Variants in LPP observed in about 807,000 individuals in gnomAD.
LPP encodes the protein lipoma-preferred partner.
LPP carries 38 observed loss-of-function variants against 60.4 expected under a neutral mutation model. The observed-to-expected ratio is 0.63, with a 90% CI of 0.49 to 0.83. The LOEUF (loss-of-function observed/expected upper bound fraction) is 0.83. Among genes scored for constraint, LPP ranks in the 40% least tolerant of loss-of-function variants. The probability of loss-of-function intolerance (pLI) is 0.00; values close to 1 mark genes in which losing one functional copy is unlikely to be tolerated. For synonymous variants in LPP, 328 were observed against 290.8 expected (o/e 1.13, Z -1.30); for missense variants, 902 against 783.6 (o/e 1.15, Z -1.80).
intron 2 of LPP, among the ~76,000 whole-genome samples, chr3:188,306,610 T>C (rs1008727200): frequency 7.9e-5 from 12 of 152,162 alleles, no homozygotes; most frequent in Admixed American, 1.3e-4. Context: ...GTAAGGAAAG[T>C]AACAGTGCTA....
At chr3:188,515,986 C>T (rs1433694551) in intron 5 of LPP, among the ~76,000 whole-genome samples, 1 of 152,170 alleles carries the variant, frequency 6.6e-6, no homozygotes, top group African/African-American at 2.4e-5. Context: ...ACACTGCATA[C>T]TACTTAGCAT....
At position 188,876,768 on chromosome 3, in the gene LPP, A is replaced by G. The variant is rs1427527341; in HGVS notation, c.*2289A>G. On this transcript the variant is annotated 3_prime_UTR_variant, in exon 12 of 12. Transcript: ENST00000617246. ...TGCCAAAAGAAGAAGAATTTATTGA[A>G]TATTTATACTATAAAATGCAGTAAC... 1.6e-5 allele frequency: 3 copies of G among 185,482 alleles called. No homozygotes were observed. The highest frequency in any genetic ancestry group is 7.0e-5 in the African/African-American group (3 of 42,614). 11.5% of individuals were successfully genotyped at this position (185,482 alleles called of 1,614,324 possible).
chr3:188,298,465 T>G (rs149928142), intron 2 of LPP, among the ~76,000 whole-genome samples: 76 of 152,306 alleles, frequency 5.0e-4, no homozygotes, highest in Admixed American at 4.1e-3. Context: ...TGTTCTCACC[T>G]AAGTCTGTGG....
chr3:188,188,877 TC>T (rs1727349119), intron 1 of LPP, among the ~76,000 whole-genome samples: 1 of 152,144 alleles, frequency 6.6e-6, no homozygotes, highest in African/African-American at 2.4e-5. Context: ...AAAAATAGGA[TC>T]CTTGTCTTTG....
intron 9 of LPP, among the ~76,000 whole-genome samples, chr3:188,800,435 T>TG (rs1374019555): frequency 2.6e-5 from 4 of 151,574 alleles, no homozygotes; most frequent in Non-Finnish European, 5.9e-5. Flanking sequence ...TTAGTAGAGG[T>TG]GGGGTTTCAT....
chr3:188,785,547 T>TATATATATATATATACACAC lies in LPP; in HGVS notation c.1410+25266_1410+25267insTATATATATATATACACACA, dbSNP rs1206082559. 6.2e-3 allele frequency among the ~76,000 whole-genome samples: 273 copies of TATATATATATATATACACAC among 43,834 alleles called. 47 individuals are homozygous for TATATATATATATATACACAC. The highest frequency in any genetic ancestry group is 0.02 in the African/African-American group (208 of 10,620). 28.8% of individuals were successfully genotyped at this position (43,834 alleles called of 152,430 possible). ...ATATATATTCCATCATATATATATA[T>TATATATATATATATACACAC]ACACACACACACACACACACACACA... On this transcript the variant is annotated intron_variant, in intron 9 of 11. Transcript: ENST00000617246.
chr3:188,868,127 T>A (rs1469436072), intron 10 of LPP, among the ~76,000 whole-genome samples: 1 of 152,154 alleles, frequency 6.6e-6, no homozygotes, highest in Non-Finnish European at 1.5e-5. Context: ...CATTGAAAAA[T>A]CCCTGCGTCT....
At chr3:188,802,095 C>T (rs895222117) in intron 9 of LPP, among the ~76,000 whole-genome samples, 8 of 152,062 alleles carry the variant, frequency 5.3e-5, no homozygotes, top group Non-Finnish European at 1.2e-4. Context: ...AAGGATGTAA[C>T]TATGACTCTT....
At chr3:188,299,867 G>A (rs1381461171) in intron 2 of LPP, among the ~76,000 whole-genome samples, 1 of 152,160 alleles carries the variant, frequency 6.6e-6, no homozygotes, top group African/African-American at 2.4e-5. Context: ...GAGCTTCACC[G>A]CTCTGCTGTC....
rs1452506925 is a variant in LPP at position 188,609,191 on chromosome 3, G to T, written c.460G>T (p.Val154Phe). The T allele has an allele frequency of 6.2e-7, 1 of 1,612,798 alleles. No individual in the cohort carries two copies. The highest frequency in any genetic ancestry group is 8.5e-7 in the Non-Finnish European group (1 of 1,179,466). ...CACTGGTTCAACAGCCTCTCCTCCA[G>T]TTTCGACCCCAGTCACAGGACACAA... Reference protein sequence around the residue: ...SSTGSTASPPVSTPVTGHKRM... With the variant: ...SSTGSTASPPFSTPVTGHKRM... The change falls in exon 7 of 12, where the codon GTT becomes TTT. Residue 154 changes from valine to phenylalanine, a missense_variant. Coordinates refer to ENST00000617246, the MANE Select transcript of LPP (RefSeq NM_001375462.1). This position sits in a 1 kb window ranked among gnomAD's most constrained non-coding sequence, Gnocchi z 6.9.
intron 1 of LPP, among the ~76,000 whole-genome samples, chr3:188,168,159 A>G (rs1720566533): frequency 6.6e-6 from 1 of 152,246 alleles, no homozygotes; most frequent in Non-Finnish European, 1.5e-5. Context: ...ACTCCGTGCC[A>G]GGCACGTGCT....
At chr3:188,312,742 T>C (rs563237670) in intron 2 of LPP, 1 of 152,326 alleles carries the variant, frequency 6.6e-6, no homozygotes, top group East Asian at 1.9e-4. Context: ...CTTTATTGTA[T>C]ATTAAATTTC....
intron 4 of LPP, among the ~76,000 whole-genome samples, chr3:188,478,193 T>C (rs1803738199): frequency 2.0e-5 from 3 of 152,204 alleles, no homozygotes; most frequent in Admixed American, 1.3e-4. Flanking sequence ...GTGATCAAGT[T>C]TAGATTCAGT....
At chr3:188,522,815 A>ATATATATATATATG (rs796830660) in intron 5 of LPP, among the ~76,000 whole-genome samples, 9 of 136,520 alleles carry the variant, frequency 6.6e-5, no homozygotes, top group East Asian at 2.1e-4. Context: ...ATATATATAT[A>ATATATATATATATG]TGTGTATGTG....
rs79509744 is a variant in LPP, at chr3:188,884,481, C to G, written c.*10002C>G. 2 of 229,024 alleles carry G rather than the reference C, an allele frequency of 8.7e-6. No individual in the cohort carries two copies. Among genetic ancestry groups the G allele is most frequent in the Non-Finnish European group, 1.7e-5 (2 of 115,576 alleles). The allele number at this position is 229,024 out of a possible 1,614,324, so 14.2% of individuals were successfully genotyped here. On this transcript the variant is annotated 3_prime_UTR_variant, in exon 12 of 12. Transcript: ENST00000617246. Reference sequence around the variant, plus strand: ...ATCTGTGTCTTCTTGTGGGAAACCTCTAGGTATTCTGTCTGATCAGCACTG... The same window carrying G: ...ATCTGTGTCTTCTTGTGGGAAACCTGTAGGTATTCTGTCTGATCAGCACTG...
chr3:188,628,540 T>C (rs1267450718), intron 7 of LPP, among the ~76,000 whole-genome samples: 1 of 152,010 alleles, frequency 6.6e-6, no homozygotes, highest in Admixed American at 6.6e-5. Context: ...CCTCACAAGA[T>C]TGAAGCAGGA....
intron 2 of LPP, among the ~76,000 whole-genome samples, chr3:188,246,691 TGACATAGATGA>T (rs1727079255): frequency 6.6e-6 from 1 of 152,180 alleles, no homozygotes; most frequent in Admixed American, 6.5e-5. Flanking sequence ...TCCTACCATC[TGACATAGATGA>T]GACACAAAGT....
rs11328247 is a variant in LPP at position 188,881,139 on chromosome 3, C to CAAAAAAAAAA, written c.*6670_*6679dup. 2.4e-3 allele frequency: 175 copies of CAAAAAAAAAA among 72,580 alleles called. 13 individuals are homozygous for CAAAAAAAAAA. The highest frequency in any genetic ancestry group is 5.7e-3 in the African/African-American group (130 of 22,722). The allele number at this position is 72,580 out of a possible 1,614,324, so 4.5% of individuals were successfully genotyped here. On this transcript the variant is annotated 3_prime_UTR_variant, in exon 12 of 12. Transcript: ENST00000617246. Reference sequence around the variant, plus strand: ...TGGGCGAAAGAGCGAGACTCCGTCTCAAAAAAAAAAAAAAAAAAATAGGAT... The same window carrying CAAAAAAAAAA: ...TGGGCGAAAGAGCGAGACTCCGTCTCAAAAAAAAAAAAAAAAAAAAAAAAAAAAATAGGAT...
At chr3:188,440,981 A>G (rs1271385196) in intron 4 of LPP, among the ~76,000 whole-genome samples, 1 of 147,514 alleles carries the variant, frequency 6.8e-6, no homozygotes, top group African/African-American at 2.5e-5. Flanking sequence ...GCGCCTGTAT[A>G]CATCAGATAT....
Sources: gnomAD v4.1 joint callset for allele counts (sites outside exome capture counted in the v4.1 genomes callset) on GRCh38, gnomAD v4.1.1 for gene constraint, Gnocchi (gnomAD v3.1) non-coding constraint, MANE v1.5 for transcripts, NCBI Gene and HGNC (gene_info 2026-07-23, HGNC 2026-07-21) for gene names.